The following SLC35G2 variants were observed in gnomAD, a reference collection of about 807,000 sequenced individuals.
SLC35G2 encodes solute carrier family 35 member G2.
In SLC35G2, 20 loss-of-function variants were observed where a neutral mutation model predicts 27.2. The ratio of observed to expected loss-of-function variants is 0.74; its 90% CI spans 0.52 to 1.07. The LOEUF (loss-of-function observed/expected upper bound fraction) is 1.07. Ranked by LOEUF, SLC35G2 falls within the 50% of genes least tolerant of loss-of-function variation. The pLI is 0.00. For synonymous variants in SLC35G2, 148 were observed against 165.3 expected (o/e 0.90, Z 0.80); for missense variants, 416 against 493.3 (o/e 0.84, Z 1.48).
chr3:136,820,110 A>T (rs1936411457), intron 1 of SLC35G2: 1 of 152,206 alleles, frequency 6.6e-6, no homozygotes. Flanking sequence ...GTTTTCTTTC[A>T]CCCGGCTCCG....
At chr3:136,851,182 T>C (rs1937612949) in intron 1 of SLC35G2, among the ~76,000 whole-genome samples, 1 of 151,746 alleles carries the variant, frequency 6.6e-6, no homozygotes, top group African/African-American at 2.4e-5. Flanking sequence ...AAGACAGAAT[T>C]TGTACTGGGC....
At chr3:136,845,221 C>G (rs887672402) in intron 1 of SLC35G2, among the ~76,000 whole-genome samples, 2 of 152,114 alleles carry the variant, frequency 1.3e-5, no homozygotes, top group African/African-American at 4.8e-5. Flanking sequence ...TCCCACATTT[C>G]TAAATGTTCT....
chr3:136,847,838 G>A (rs1309501013), intron 1 of SLC35G2, among the ~76,000 whole-genome samples: 2 of 152,076 alleles, frequency 1.3e-5, no homozygotes, highest in African/African-American at 4.8e-5. Context: ...TTTGGTGGTG[G>A]CTGTGGTGGG....
At chr3:136,829,216 A>C (rs1327686191) in intron 1 of SLC35G2, among the ~76,000 whole-genome samples, 3 of 149,740 alleles carry the variant, frequency 2.0e-5, no homozygotes, top group Non-Finnish European at 4.4e-5. Context: ...TGAGTTTTGT[A>C]CCTTTAGATG....
intron 1 of SLC35G2, among the ~76,000 whole-genome samples, chr3:136,845,566 C>T (rs1266936316): frequency 1.3e-5 from 2 of 151,748 alleles, no homozygotes; most frequent in Non-Finnish European, 2.9e-5. Context: ...ATACAAATTA[C>T]TTAAGGAACA....
rs1227924541 is a variant in SLC35G2, at chr3:136,820,212, G to T, written c.-19+584G>T. The T allele has an allele frequency of 4.0e-5, 6 of 151,802 alleles. 1 individual carries two copies. The highest frequency in any genetic ancestry group is 3.9e-4 in the Admixed American group (6 of 15,244). The allele number at this position is 151,802 out of a possible 1,614,324, so 9.4% of individuals were successfully genotyped here. A position where few individuals can be genotyped will look rare whatever the true frequency, so the allele number is the denominator to read the frequency against. ...GTCCAGAGTGCTGGGGGTGGGTCCAGAGGGCTGGGGGTAGGTCCAGAGGGC... is the reference window on the plus strand; with the variant it reads ...GTCCAGAGTGCTGGGGGTGGGTCCATAGGGCTGGGGGTAGGTCCAGAGGGC... On this transcript the variant is annotated intron_variant, in intron 1 of 1. Coordinates refer to ENST00000446465, the MANE Select transcript of SLC35G2 (RefSeq NM_025246.3).
intron 1 of SLC35G2, among the ~76,000 whole-genome samples, chr3:136,833,122 A>T (rs1329535301): frequency 2.0e-5 from 3 of 151,920 alleles, no homozygotes; most frequent in Non-Finnish European, 4.4e-5. Context: ...AGGACTGAAA[A>T]CCATGATTAT....
At chr3:136,851,351 G>A (rs1327691129) in intron 1 of SLC35G2, among the ~76,000 whole-genome samples, 1 of 151,938 alleles carries the variant, frequency 6.6e-6, no homozygotes, top group African/African-American at 2.4e-5. Context: ...CAAAAAATTA[G>A]CCGGGCGTGG....
chr3:136,844,157 A>C (rs139008489), intron 1 of SLC35G2, among the ~76,000 whole-genome samples: 3 of 152,016 alleles, frequency 2.0e-5, no homozygotes, highest in African/African-American at 4.8e-5. Flanking sequence ...TCGCCACTGC[A>C]CTCCAGCCTG....
intron 1 of SLC35G2, among the ~76,000 whole-genome samples, chr3:136,847,779 G>A (rs190362446): frequency 1.3e-5 from 2 of 152,156 alleles, no homozygotes; most frequent in Non-Finnish European, 2.9e-5. Flanking sequence ...GACCAGCCTG[G>A]CCAACATGGC....
chr3:136,823,064 C>T (rs1454244223), intron 1 of SLC35G2, among the ~76,000 whole-genome samples: 1 of 152,100 alleles, frequency 6.6e-6, no homozygotes, highest in Non-Finnish European at 1.5e-5. Flanking sequence ...ACATCCTTGC[C>T]AGCTTTTGTT....
At position 136,854,929 on chromosome 3, in the gene SLC35G2, G is replaced by GC. The variant is rs748122437; in HGVS notation, c.474dup (p.Phe159LeufsTer58). On this transcript the variant is annotated frameshift_variant, in exon 2 of 2. Coordinates refer to ENST00000446465, the MANE Select transcript of SLC35G2 (RefSeq NM_025246.3). LOFTEE classifies it high-confidence loss of function. ...GTTAGTTGTGTGTTACTATCAGGAG[G>GC]CCCCCTTTGGACCCAGTGGATACAG... 1.9e-6 allele frequency: 3 copies of GC among 1,614,046 alleles called. No homozygotes were observed. The highest frequency in any genetic ancestry group is 2.2e-5 in the East Asian group (1 of 44,872).
At chr3:136,840,713 T>A (rs1937054418) in intron 1 of SLC35G2, among the ~76,000 whole-genome samples, 1 of 151,876 alleles carries the variant, frequency 6.6e-6, no homozygotes. Flanking sequence ...AACCTCTGCC[T>A]CCCTGGTTCA....
intron 1 of SLC35G2, among the ~76,000 whole-genome samples, chr3:136,831,574 T>A (rs539027776): frequency 1.3e-5 from 2 of 152,338 alleles, no homozygotes; most frequent in South Asian, 4.1e-4. Context: ...ATCCAGAGAA[T>A]GAACCAGATT....
Position 136,822,566 on chromosome 3 carries a change from C to T in SLC35G2, c.-19+2938C>T, listed in dbSNP as rs1220521564. ...CTGACCTCAGGTGATCTGGCTGCCT[C>T]AGCCTCCCAAAGTGCTGGGATTACA... On this transcript the variant is annotated intron_variant, in intron 1 of 1. Transcript: ENST00000446465. 3.3e-5 allele frequency among the ~76,000 whole-genome samples: 5 copies of T among 152,340 alleles called. No homozygotes were observed. The South Asian group carries it at 6.2e-4, about 19-fold the overall frequency.
chr3:136,828,349 C>T (rs1936641731), intron 1 of SLC35G2, among the ~76,000 whole-genome samples: 1 of 152,120 alleles, frequency 6.6e-6, no homozygotes, highest in Admixed American at 6.6e-5. Context: ...TTGAAGTCTC[C>T]AGCTATTATT....
chr3:136,821,621 A>G (rs572631499), intron 1 of SLC35G2, among the ~76,000 whole-genome samples: 6 of 152,236 alleles, frequency 3.9e-5, no homozygotes, highest in African/African-American at 1.4e-4. Context: ...TAGTAGAGAC[A>G]GGGTTTTACC....
At chr3:136,849,201 T>TAC (rs375513710) in intron 1 of SLC35G2, among the ~76,000 whole-genome samples, 45 of 150,822 alleles carry the variant, frequency 3.0e-4, no homozygotes, top group South Asian at 1.7e-3. Context: ...AGATTATATA[T>TAC]ACACACACAC....
chr3:136,821,963 T>A (rs1371276027), intron 1 of SLC35G2, among the ~76,000 whole-genome samples: 2 of 152,156 alleles, frequency 1.3e-5, no homozygotes, highest in African/African-American at 2.4e-5. Context: ...CTATTTATAT[T>A]AATTTTTAAT....
Sources: gnomAD v4.1 joint callset for allele counts (sites outside exome capture counted in the v4.1 genomes callset) on GRCh38, gnomAD v4.1.1 for gene constraint, MANE v1.5 for transcripts, NCBI Gene and HGNC (gene_info 2026-07-23, HGNC 2026-07-21) for gene names.